The following ITPR2 variants were observed in gnomAD, a reference collection of about 807,000 sequenced individuals.
The protein encoded by ITPR2 is inositol 1,4,5-trisphosphate-gated calcium channel ITPR2.
Under a neutral mutation model 317.1 loss-of-function variants are expected in ITPR2, and 207 were observed. The observed-to-expected ratio is 0.65, with a 90% CI of 0.58 to 0.73. The LOEUF (loss-of-function observed/expected upper bound fraction) is 0.73, where lower values mean the gene tolerates loss of function less well. Ranked by LOEUF, ITPR2 falls within the 30% of genes least tolerant of loss-of-function variation. The probability of loss-of-function intolerance (pLI) is 0.00; values close to 1 mark genes in which losing one functional copy is unlikely to be tolerated. For synonymous variants in ITPR2, 1,156 were observed against 1,149.1 expected (o/e 1.01, Z -0.12); for missense variants, 2,613 against 3,284.0 (o/e 0.80, Z 4.99).
chr12:26,806,125 A>G (rs1950635768), intron 1 of ITPR2, among the ~76,000 whole-genome samples: 1 of 152,228 alleles, frequency 6.6e-6, no homozygotes, highest in South Asian at 2.1e-4. Flanking sequence ...GGAGCACAGC[A>G]GGAAATTTCA....
At chr12:26,370,323 G>C (rs931787839) in intron 55 of ITPR2, among the ~76,000 whole-genome samples, 4 of 152,142 alleles carry the variant, frequency 2.6e-5, no homozygotes, top group Admixed American at 2.0e-4. Flanking sequence ...GTTAGCCCGG[G>C]AATTATACTG....
intron 13 of ITPR2, among the ~76,000 whole-genome samples, chr12:26,680,134 C>A (rs1948001530): frequency 6.6e-6 from 1 of 151,704 alleles, no homozygotes; most frequent in African/African-American, 2.4e-5. Context: ...TGTCTATTGA[C>A]AATCTGGGAA....
intron 55 of ITPR2, among the ~76,000 whole-genome samples, chr12:26,344,557 G>C (rs1159030418): frequency 6.6e-6 from 1 of 152,172 alleles, no homozygotes; most frequent in East Asian, 1.9e-4. Context: ...GCCAGGATCA[G>C]CCAAGTCCAT....
chr12:26,639,393 GT>G (rs1211436017), intron 21 of ITPR2, among the ~76,000 whole-genome samples: 1 of 152,094 alleles, frequency 6.6e-6, no homozygotes, highest in Admixed American at 6.6e-5. Context: ...GTGACCATTT[GT>G]AATGGGTGTT....
chr12:26,509,033 A>G (rs982419875), intron 37 of ITPR2, among the ~76,000 whole-genome samples: 2 of 152,252 alleles, frequency 1.3e-5, no homozygotes, highest in East Asian at 1.9e-4. Context: ...GTATATGCAC[A>G]TAATAGAATA....
chr12:26,366,941 T>TA (rs1220586050), intron 55 of ITPR2, among the ~76,000 whole-genome samples: 8 of 151,924 alleles, frequency 5.3e-5, no homozygotes, highest in African/African-American at 1.2e-4. Context: ...TGGGAGCGAT[T>TA]AAAAAAAATG....
intron 2 of ITPR2, among the ~76,000 whole-genome samples, chr12:26,779,099 T>C (rs1950031399): frequency 6.6e-6 from 1 of 152,208 alleles, no homozygotes; most frequent in Non-Finnish European, 1.5e-5. Context: ...CAAGCTGCTC[T>C]GCCACTTGGG....
intron 35 of ITPR2, 58 bp from the exon 36 acceptor site, chr12:26,556,433 G>T: frequency 6.5e-7 from 1 of 1,535,886 alleles, no homozygotes; most frequent in Non-Finnish European, 8.8e-7. Flanking sequence ...TTCATCTTTC[G>T]AAGATAAGAC....
In ITPR2 at chr12:26,505,084, TGAG is replaced by T. The variant is rs202061547; in HGVS notation, c.5074-9827_5074-9825del. 2.6e-3 allele frequency among the ~76,000 whole-genome samples: 403 copies of T among 152,344 alleles called. 8 individuals are homozygous for T. In the East Asian group the frequency reaches 0.059, roughly 22 times the overall value. ...GTAATGTTCTCATTCTTCATTTGGC[TGAG>T]GTCATGAGTCTTTATTATATTTAAT... On this transcript the variant is annotated intron_variant, in intron 37 of 56. Coordinates refer to ENST00000381340, the MANE Select transcript of ITPR2 (RefSeq NM_002223.4).
intron 28 of ITPR2, among the ~76,000 whole-genome samples, chr12:26,600,983 A>T (rs984302544): frequency 2.6e-4 from 39 of 151,360 alleles, no homozygotes; most frequent in African/African-American, 8.8e-4. Flanking sequence ...CTCTTTCTTA[A>T]CACTCTTAAT....
At chr12:26,437,612 C>T (rs1941386003) in intron 47 of ITPR2, among the ~76,000 whole-genome samples, 1 of 152,116 alleles carries the variant, frequency 6.6e-6, no homozygotes, top group Non-Finnish European at 1.5e-5. Context: ...TAGACTCTGC[C>T]TATAGCCTCA....
rs1161714052 is a variant in ITPR2 at position 26,781,992 on chromosome 12, G to GTA, written c.163+8163_163+8164dup. 7.2e-3 allele frequency among the ~76,000 whole-genome samples: 407 copies of GTA among 56,742 alleles called. 1 individual carries two copies. The highest frequency in any genetic ancestry group is 0.012 in the African/African-American group (161 of 13,828). The allele number at this position is 56,742 out of a possible 152,430, so 37.2% of individuals were successfully genotyped here. A position where few individuals can be genotyped will look rare whatever the true frequency, so the allele number is the denominator to read the frequency against. ...TTAATACTACTTAATAAACTCCCCT[G>GTA]TATATATATATATATATATATATAT... On this transcript the variant is annotated intron_variant, in intron 2 of 56. Transcript: ENST00000381340.
In ITPR2 at chr12:26,832,802, G is replaced by A; in HGVS notation, c.-21C>T. The A allele has an allele frequency of 6.4e-7, 1 of 1,567,996 alleles. No homozygotes were observed. The highest frequency in any genetic ancestry group is 8.7e-7 in the Non-Finnish European group (1 of 1,144,970). ...GTCATGCTGCTTCATGTTCCACAGTGGACGTCCCTCTTCTTCCCTGCGCCC... is the reference window on the plus strand; with the variant it reads ...GTCATGCTGCTTCATGTTCCACAGTAGACGTCCCTCTTCTTCCCTGCGCCC... On this transcript the variant is annotated 5_prime_UTR_variant, in exon 1 of 57. Transcript: ENST00000381340.
At chr12:26,459,201 T>C (rs1322905695) in intron 45 of ITPR2, among the ~76,000 whole-genome samples, 1 of 152,176 alleles carries the variant, frequency 6.6e-6, no homozygotes, top group Non-Finnish European at 1.5e-5. Flanking sequence ...AGCAATTGCA[T>C]ATATTTAGGG....
intron 19 of ITPR2, 106 bp from the exon 20 acceptor site, chr12:26,655,958 A>G (rs1947360962): frequency 1.8e-6 from 2 of 1,130,370 alleles, no homozygotes; most frequent in South Asian, 3.0e-5. Flanking sequence ...TAAATTAGTT[A>G]GCTTTCCTAG....
chr12:26,746,141 C>T lies in ITPR2; in HGVS notation c.164-20376G>A, dbSNP rs75689740. On this transcript the variant is annotated intron_variant, in intron 2 of 56. Coordinates refer to ENST00000381340, the MANE Select transcript of ITPR2 (RefSeq NM_002223.4). ...GGCACAGAGTAGGATAAATATGAAA[C>T]ATATCACCCCATTCATCCCAAGTGA... is the stretch of plus-strand genomic sequence containing the variant. 1.6e-4 allele frequency among the ~76,000 whole-genome samples: 25 copies of T among 151,956 alleles called. No individual in the cohort carries two copies. In the East Asian group the frequency reaches 4.4e-3, roughly 27 times the overall value.
At chr12:26,714,316 T>C (rs1948701083) in intron 8 of ITPR2, among the ~76,000 whole-genome samples, 3 of 152,114 alleles carry the variant, frequency 2.0e-5, no homozygotes, top group Admixed American at 1.3e-4. Context: ...AGGGCCCACA[T>C]TTACCTTTGC....
chr12:26,777,271 C>T (rs1363133193), intron 2 of ITPR2, among the ~76,000 whole-genome samples: 2 of 152,206 alleles, frequency 1.3e-5, no homozygotes, highest in Admixed American at 6.5e-5. Context: ...GGATTAGTCA[C>T]TTTACTCATC....
intron 11 of ITPR2, among the ~76,000 whole-genome samples, chr12:26,686,012 A>G (rs922425833): frequency 6.6e-6 from 1 of 152,170 alleles, no homozygotes. Context: ...CCCCCATTTG[A>G]ATGTGAGAAT....
Sources: gnomAD v4.1 joint callset for allele counts (sites outside exome capture counted in the v4.1 genomes callset) on GRCh38, gnomAD v4.1.1 for gene constraint, MANE v1.5 for transcripts, NCBI Gene and HGNC (gene_info 2026-07-23, HGNC 2026-07-21) for gene names.